MAPK4: variants seen among roughly 807,000 people sequenced by gnomAD.
MAPK4 encodes the protein mitogen-activated protein kinase 4, also known as Erk3-related.
In MAPK4, 22 loss-of-function variants were observed where a neutral mutation model predicts 47.7. The ratio of observed to expected loss-of-function variants is 0.46; its 90% CI spans 0.33 to 0.66. MAPK4 has a LOEUF of 0.66. Ranked by LOEUF, MAPK4 falls within the 30% of genes least tolerant of loss-of-function variation. MAPK4 has a pLI of 0.02. For missense variants in MAPK4, 736 were observed against 831.7 expected (o/e 0.88, Z 1.42); for synonymous variants, 390 against 365.7 (o/e 1.07, Z -0.76).
In MAPK4 at chr18:50,664,522, G is replaced by A; in HGVS notation, c.546+18G>A. 6.4e-7 allele frequency: 1 copy of A among 1,560,024 alleles called. No homozygotes were observed. On this transcript the variant is annotated intron_variant, in intron 2 of 5. Coordinates refer to ENST00000400384, the MANE Select transcript of MAPK4 (RefSeq NM_002747.4). This position sits in a 1 kb window ranked among gnomAD's most constrained non-coding sequence, Gnocchi z 6.0. Reference sequence around the variant, plus strand: ...CCCACAAGGTATGTCTGGCTGGAATGGCGGATACTGGTGGTCCACAGAATC... The same window carrying A: ...CCCACAAGGTATGTCTGGCTGGAATAGCGGATACTGGTGGTCCACAGAATC...
intron 2 of MAPK4, among the ~76,000 whole-genome samples, chr18:50,708,517 A>G (rs1843241096): frequency 6.6e-6 from 1 of 152,326 alleles, no homozygotes; most frequent in African/African-American, 2.4e-5. Context: ...CACCTTGTTT[A>G]GACTGAGAAA....
chr18:50,652,387 G>T (rs2043059916), intron 1 of MAPK4, among the ~76,000 whole-genome samples: 1 of 152,240 alleles, frequency 6.6e-6, no homozygotes, highest in South Asian at 2.1e-4. Flanking sequence ...AGGTAGCCAT[G>T]CCTATGTGTC....
intron 2 of MAPK4, among the ~76,000 whole-genome samples, chr18:50,675,209 G>A (rs372078720): frequency 6.6e-6 from 1 of 152,194 alleles, no homozygotes; most frequent in African/African-American, 2.4e-5. Context: ...CAGAGACTGT[G>A]CTCTCAGCCA....
rs561592607 is a variant in MAPK4 at position 50,635,283 on chromosome 18, C to A, written c.-870-27806C>A. 3.3e-5 allele frequency among the ~76,000 whole-genome samples: 5 copies of A among 152,292 alleles called. No individual in the cohort carries two copies. The South Asian group carries it at 1.0e-3, about 32-fold the overall frequency. ...TCTCAGCATTTGCATCCCCATATATCTAGTAGTATGAGCCAGAAATTTAGG... is the reference window on the plus strand; with the variant it reads ...TCTCAGCATTTGCATCCCCATATATATAGTAGTATGAGCCAGAAATTTAGG... On this transcript the variant is annotated intron_variant, in intron 1 of 5. Transcript: ENST00000400384.
chr18:50,642,835 C>T (rs1298465367), intron 1 of MAPK4, among the ~76,000 whole-genome samples: 1 of 152,224 alleles, frequency 6.6e-6, no homozygotes, highest in Non-Finnish European at 1.5e-5. Flanking sequence ...GAACTCCTGA[C>T]CTCAGGTAAT....
At chr18:50,640,823 C>G (rs887261091) in intron 1 of MAPK4, among the ~76,000 whole-genome samples, 1 of 152,030 alleles carries the variant, frequency 6.6e-6, no homozygotes, top group Non-Finnish European at 1.5e-5. Flanking sequence ...CACACACACA[C>G]GCACACACAC....
chr18:50,585,110 C>T (rs1390338925), intron 1 of MAPK4, among the ~76,000 whole-genome samples: 2 of 152,196 alleles, frequency 1.3e-5, no homozygotes, highest in African/African-American at 2.4e-5. Flanking sequence ...TCTCAATCTA[C>T]AGGATCACTT....
Position 50,721,834 on chromosome 18 carries a change from C to T in MAPK4, c.692-104C>T, listed in dbSNP as rs557095831. 1.6e-5 allele frequency: 18 copies of T among 1,126,782 alleles called. No homozygotes were observed. The African/African-American group carries it at 2.3e-4, about 15-fold the overall frequency. 69.8% of individuals were successfully genotyped at this position (1,126,782 alleles called of 1,614,324 possible). ...CCGGTCCCAGCCCAGTGCTGCCCCA[C>T]TGCCCTGTGTTGTCCCTCCCAGAAC... is the stretch of plus-strand genomic sequence containing the variant. On this transcript the variant is annotated intron_variant, in intron 3 of 5. Transcript: ENST00000400384.
In MAPK4 at chr18:50,638,418, T is replaced by C. The variant is rs1324730901; in HGVS notation, c.-870-24671T>C. 2.0e-5 allele frequency among the ~76,000 whole-genome samples: 3 copies of C among 152,330 alleles called. No individual in the cohort carries two copies. The East Asian group carries it at 5.8e-4, about 29-fold the overall frequency. ...TGAGTAAGGCAGCACGTCTTTCCCCTTGCAGCTGAATAGCTGAGGCATCAG... is the reference window on the plus strand; with the variant it reads ...TGAGTAAGGCAGCACGTCTTTCCCCCTGCAGCTGAATAGCTGAGGCATCAG... On this transcript the variant is annotated intron_variant, in intron 1 of 5. Coordinates refer to ENST00000400384, the MANE Select transcript of MAPK4 (RefSeq NM_002747.4).
At chr18:50,639,090 C>T (rs2042915523) in intron 1 of MAPK4, among the ~76,000 whole-genome samples, 1 of 152,116 alleles carries the variant, frequency 6.6e-6, no homozygotes, top group Admixed American at 6.5e-5. Flanking sequence ...GAGGGGGCGC[C>T]CTGGTACCCC....
chr18:50,594,052 C>T (rs2042461040), intron 1 of MAPK4, among the ~76,000 whole-genome samples: 1 of 152,186 alleles, frequency 6.6e-6, no homozygotes, highest in Non-Finnish European at 1.5e-5. Flanking sequence ...ACTGGTGTAA[C>T]TCCAAAAGTC....
At chr18:50,673,086 G>T (rs980907096) in intron 2 of MAPK4, among the ~76,000 whole-genome samples, 3 of 152,128 alleles carry the variant, frequency 2.0e-5, no homozygotes, top group Admixed American at 2.0e-4. Flanking sequence ...AGACCAGCCT[G>T]GCCAACATGG....
At chr18:50,570,022 G>A (rs1057408395) in intron 1 of MAPK4, among the ~76,000 whole-genome samples, 9 of 152,192 alleles carry the variant, frequency 5.9e-5, no homozygotes, top group Non-Finnish European at 4.4e-5. Context: ...TTTGTTTGTT[G>A]TTAACCTCAT....
intron 1 of MAPK4, among the ~76,000 whole-genome samples, chr18:50,606,974 G>T (rs908639933): frequency 6.6e-6 from 1 of 152,208 alleles, no homozygotes; most frequent in Non-Finnish European, 1.5e-5. Context: ...CCCTGTCAAT[G>T]CATGTTGCAC....
At chr18:50,712,686 C>G (rs537919291) in intron 2 of MAPK4, among the ~76,000 whole-genome samples, 3 of 151,352 alleles carry the variant, frequency 2.0e-5, no homozygotes, top group African/African-American at 7.2e-5. Flanking sequence ...AAGAAAGCCC[C>G]CTGTCCCCAC....
At chr18:50,594,434 G>A (rs1209268991) in intron 1 of MAPK4, among the ~76,000 whole-genome samples, 1 of 152,116 alleles carries the variant, frequency 6.6e-6, no homozygotes, top group African/African-American at 2.4e-5. Flanking sequence ...ACAGAAAAGA[G>A]GGTCTAGAAA....
intron 1 of MAPK4, among the ~76,000 whole-genome samples, chr18:50,621,874 A>C (rs2042735138): frequency 6.6e-6 from 1 of 152,268 alleles, no homozygotes; most frequent in Non-Finnish European, 1.5e-5. Flanking sequence ...AGCATTAGCT[A>C]ATGCCATCAT....
At chr18:50,705,850 TTC>T (rs1910022903) in intron 2 of MAPK4, 1 of 152,218 alleles carries the variant, frequency 6.6e-6, no homozygotes, top group Non-Finnish European at 1.5e-5. Flanking sequence ...CCTGCTTTAT[TTC>T]CATTCCTTGC....
rs762751290 is a variant in MAPK4, at chr18:50,664,149, G to A, written c.191G>A (p.Arg64Gln). ...SDARSMKHAL[R>Q]EIKIIRRLDH... ...GCCCGCAGCATGAAGCACGCGCTCC[G>A]AGAGATCAAGATCATTCGGCGCCTG... Residue 64 changes from arginine to glutamine, a missense_variant, in exon 2 of 6, where the codon CGA becomes CAA. This residue lies in a region of MAPK4 where 327 missense variants were observed against 395.4 expected (regional missense o/e 0.83). Transcript: ENST00000400384. The surrounding 1 kb of genome is among the most constrained non-coding windows in gnomAD (Gnocchi z 6.0). The A allele has an allele frequency of 9.9e-6, 16 of 1,614,078 alleles. No homozygotes were observed. The highest frequency in any genetic ancestry group is 8.3e-5 in the Admixed American group (5 of 60,010).
Sources: allele counts gnomAD v4.1 joint callset (sites outside exome capture counted in the v4.1 genomes callset), GRCh38; gene constraint gnomAD v4.1.1; regional missense constraint gnomAD v4.1.1; non-coding constraint Gnocchi (gnomAD v3.1); transcripts MANE v1.5; gene names NCBI Gene and HGNC (gene_info 2026-07-23, HGNC 2026-07-21).